NXPH1: variants seen among roughly 807,000 people sequenced by gnomAD.
NXPH1 encodes the protein neurexophilin 1.
Under a neutral mutation model 23.7 loss-of-function variants are expected in NXPH1, and 5 were observed. The observed-to-expected ratio is 0.21, with a 90% confidence interval of 0.11 to 0.44. The LOEUF (loss-of-function observed/expected upper bound fraction) is 0.44, where lower values mean the gene tolerates loss of function less well. Ranked by LOEUF, NXPH1 falls within the 20% of genes least tolerant of loss-of-function variation. NXPH1 has a pLI of 0.99. For synonymous variants in NXPH1, 144 were observed against 122.2 expected, an observed-to-expected ratio of 1.18 and a Z score of -1.18; for missense variants, 324 against 321.6, an observed-to-expected ratio of 1.01 and a Z score of -0.06.
chr7:8,621,536 G>A (rs1452452438), intron 2 of NXPH1, among the ~76,000 whole-genome samples: 4 of 148,422 alleles, frequency 2.7e-5, no homozygotes, highest in African/African-American at 9.8e-5. Flanking sequence ...TGCCCAGGCT[G>A]GAGTGTGATG....
At chr7:8,495,670 G>A (rs894482251) in intron 2 of NXPH1, among the ~76,000 whole-genome samples, 2 of 152,044 alleles carry the variant, frequency 1.3e-5, no homozygotes, top group Admixed American at 6.6e-5. Flanking sequence ...GATATGCAGA[G>A]GAAGAAAGAA....
intron 2 of NXPH1, among the ~76,000 whole-genome samples, chr7:8,672,376 C>T (rs976679944): frequency 6.6e-5 from 10 of 151,842 alleles, no homozygotes; most frequent in African/African-American, 2.2e-4. Context: ...TGCTAAATGA[C>T]GAGTTAATGG....
At chr7:8,531,507 C>A (rs1278540694) in intron 2 of NXPH1, among the ~76,000 whole-genome samples, 2 of 152,102 alleles carry the variant, frequency 1.3e-5, no homozygotes, top group African/African-American at 4.8e-5. Flanking sequence ...ACTAGAACTC[C>A]CTTCAGTTAC....
intron 2 of NXPH1, among the ~76,000 whole-genome samples, chr7:8,739,204 A>T (rs867351885): frequency 8.1e-6 from 1 of 123,692 alleles, no homozygotes; most frequent in African/African-American, 3.0e-5. Context: ...AAAAAAAAAA[A>T]CCCTGCAGCT....
At chr7:8,689,664 ACT>A (rs1424302749) in intron 2 of NXPH1, among the ~76,000 whole-genome samples, 1 of 152,036 alleles carries the variant, frequency 6.6e-6, no homozygotes, top group African/African-American at 2.4e-5. Flanking sequence ...CTTGATTCCC[ACT>A]CTCCCATTTT....
intron 2 of NXPH1, among the ~76,000 whole-genome samples, chr7:8,452,756 A>G (rs1816529222): frequency 6.6e-6 from 1 of 152,150 alleles, no homozygotes; most frequent in Admixed American, 6.5e-5. Context: ...TCTTAGGATT[A>G]TAGAAGTTGG....
intron 2 of NXPH1, among the ~76,000 whole-genome samples, chr7:8,623,097 G>A (rs995077): frequency 0.33 from 50,103 of 151,906 alleles, 9,508 homozygotes; most frequent in African/African-American, 0.51. Context: ...TAAATACAGG[G>A]TAAAATCACA....
chr7:8,647,191 C>T (rs951548468), intron 2 of NXPH1, among the ~76,000 whole-genome samples: 18 of 152,348 alleles, frequency 1.2e-4, no homozygotes, highest in African/African-American at 4.3e-4. Flanking sequence ...AGCAGATGCA[C>T]AGGCTGCGCC....
chr7:8,679,322 G>A (rs1156869217), intron 2 of NXPH1, among the ~76,000 whole-genome samples: 3 of 152,130 alleles, frequency 2.0e-5, no homozygotes, highest in Non-Finnish European at 4.4e-5. Flanking sequence ...GTGTAATTCA[G>A]TACAATTTGC....
rs1472324022 is a variant in NXPH1, at chr7:8,668,272, TTTG to T, written c.55-82722_55-82720del. On this transcript the variant is annotated intron_variant, in intron 2 of 2. Coordinates refer to ENST00000405863, the MANE Select transcript of NXPH1 (RefSeq NM_152745.3). Reference sequence around the variant, plus strand: ...TGTCTCTTTGTTTTTTTTTTTTTATTTTGTTGTTGTTGTTGTCTTATGTTGATA... The same window carrying T: ...TGTCTCTTTGTTTTTTTTTTTTTATTTTGTTGTTGTTGTCTTATGTTGATA... Among the ~76,000 whole-genome samples, 14 of 147,366 alleles carry T rather than the reference TTTG, an allele frequency of 9.5e-5. 1 individual carries two copies. The highest frequency in any genetic ancestry group is 2.5e-4 in the African/African-American group (10 of 40,300).
At chr7:8,480,360 C>T (rs1817052687) in intron 2 of NXPH1, among the ~76,000 whole-genome samples, 1 of 152,122 alleles carries the variant, frequency 6.6e-6, no homozygotes. Context: ...GGCCTGAGAT[C>T]TTATTAAATG....
At position 8,508,287 on chromosome 7, in the gene NXPH1, G is replaced by A. The variant is rs533794411; in HGVS notation, c.54+72520G>A. 3.9e-5 allele frequency among the ~76,000 whole-genome samples: 6 copies of A among 152,208 alleles called. No homozygotes were observed. The South Asian group carries it at 1.2e-3, about 32-fold the overall frequency. Reference sequence around the variant, plus strand: ...TAGACATTTTCTGCTAACAAACTTTGATTGATTGTTAAGGGCATGTGGAAT... The same window carrying A: ...TAGACATTTTCTGCTAACAAACTTTAATTGATTGTTAAGGGCATGTGGAAT... On this transcript the variant is annotated intron_variant, in intron 2 of 2. Coordinates refer to ENST00000405863, the MANE Select transcript of NXPH1 (RefSeq NM_152745.3).
chr7:8,568,637 T>C (rs1323441650), intron 2 of NXPH1, among the ~76,000 whole-genome samples: 2 of 129,842 alleles, frequency 1.5e-5, no homozygotes, highest in Non-Finnish European at 3.1e-5. Flanking sequence ...AAGAAAGTTT[T>C]CATTCTTAGC....
chr7:8,558,707 C>A (rs1459732963), intron 2 of NXPH1, among the ~76,000 whole-genome samples: 2 of 151,590 alleles, frequency 1.3e-5, no homozygotes, highest in African/African-American at 2.4e-5. Flanking sequence ...TAATAAGTTT[C>A]ATTTCTCCTT....
rs146110336 is a variant in NXPH1, at chr7:8,482,620, G to A, written c.54+46853G>A. Among the ~76,000 whole-genome samples the A allele has an allele frequency of 2.3e-3, 354 of 152,248 alleles. 1 individual carries two copies. The highest frequency in any genetic ancestry group is 0.01 in the Middle Eastern group (3 of 294). The stretch of plus-strand genomic sequence containing the variant: ...GGGGTGGAGAAGACTTGACAGGTAT[G>A]CCTCCATTTCTCCCTCCTGTACAAA... On this transcript the variant is annotated intron_variant, in intron 2 of 2. Transcript: ENST00000405863.
intron 2 of NXPH1, among the ~76,000 whole-genome samples, chr7:8,478,258 G>T (rs1817009929): frequency 6.6e-6 from 1 of 151,940 alleles, no homozygotes; most frequent in Non-Finnish European, 1.5e-5. Flanking sequence ...ACATTTTGGG[G>T]ACCAAAAACT....
chr7:8,721,725 C>G (rs1779973692), intron 2 of NXPH1, among the ~76,000 whole-genome samples: 1 of 152,310 alleles, frequency 6.6e-6, no homozygotes, highest in East Asian at 1.9e-4. Flanking sequence ...TTGCAGTGAG[C>G]TGAGATTGTG....
chr7:8,505,359 G>T (rs1396451245), intron 2 of NXPH1, among the ~76,000 whole-genome samples: 1 of 151,920 alleles, frequency 6.6e-6, no homozygotes, highest in Non-Finnish European at 1.5e-5. Flanking sequence ...CTCCTCTCCA[G>T]TTCTGGGTCC....
chr7:8,593,135 C>T (rs1180609681), intron 2 of NXPH1, among the ~76,000 whole-genome samples: 3 of 151,656 alleles, frequency 2.0e-5, no homozygotes, highest in Non-Finnish European at 2.9e-5. Flanking sequence ...AAATTTTAGT[C>T]CCTAAGCAGA....
Sources: gnomAD v4.1 joint callset for allele counts (sites outside exome capture counted in the v4.1 genomes callset) on GRCh38, gnomAD v4.1.1 for gene constraint, MANE v1.5 for transcripts, NCBI Gene and HGNC (gene_info 2026-07-23, HGNC 2026-07-21) for gene names.